The following MYL11 variants were observed in gnomAD, a reference collection of about 807,000 sequenced individuals.
The protein encoded by MYL11 is myosin regulatory light chain 11.
At chr16:30,371,669 A>G in the MYL11 span, among the ~76,000 whole-genome samples, 1 of 152,032 alleles carries the variant, frequency 6.6e-6, no homozygotes, top group Non-Finnish European at 1.5e-5. Context: ...CTCAAACCCC[A>G]AATCCATGAA....
the MYL11 span, chr16:30,377,503 G>C: frequency 1.4e-6 from 1 of 709,868 alleles, no homozygotes. Flanking sequence ...TGGGCGGAGA[G>C]GGCAAAAGCG....
the MYL11 span, among the ~76,000 whole-genome samples, chr16:30,375,334 G>A: frequency 6.6e-6 from 1 of 152,038 alleles, no homozygotes; most frequent in South Asian, 2.1e-4. Flanking sequence ...GCGTGGTGGT[G>A]CATGCCTGTA....
chr16:30,374,264 C>T, the MYL11 span, among the ~76,000 whole-genome samples: 2 of 151,054 alleles, frequency 1.3e-5, no homozygotes, highest in East Asian at 1.9e-4. Flanking sequence ...TGCAGTGAAC[C>T]GAGATCACAC....
At chr16:30,374,735 G>T in the MYL11 span, 52 of 1,323,216 alleles carry the variant, frequency 3.9e-5, 1 homozygote, top group South Asian at 6.2e-4. Flanking sequence ...CAGGGCTAAG[G>T]TTACCTTGGT....
At chr16:30,376,160 G>A in the MYL11 span, 12 of 1,613,818 alleles carry the variant, frequency 7.4e-6, no homozygotes, top group Non-Finnish European at 1.0e-5. Flanking sequence ...CACTGTGATC[G>A]ACCAGAACCG....
the MYL11 span, chr16:30,376,677 A>G: frequency 1.2e-6 from 2 of 1,614,070 alleles, no homozygotes; most frequent in South Asian, 2.2e-5. Context: ...CCTGAGGGAA[A>G]GGGCACCATC....
At chr16:30,375,414 G>A in the MYL11 span, among the ~76,000 whole-genome samples, 1 of 149,710 alleles carries the variant, frequency 6.7e-6, no homozygotes, top group Non-Finnish European at 1.5e-5. Flanking sequence ...GCGGTAAGCC[G>A]AGATCGCAGC....
At chr16:30,375,271 G>A in the MYL11 span, among the ~76,000 whole-genome samples, 1 of 152,142 alleles carries the variant, frequency 6.6e-6, no homozygotes, top group Non-Finnish European at 1.5e-5. Flanking sequence ...TTCGAGACCA[G>A]CCTGGCCAAC....
the MYL11 span, among the ~76,000 whole-genome samples, chr16:30,373,656 G>A: frequency 6.6e-6 from 1 of 151,356 alleles, no homozygotes; most frequent in African/African-American, 2.4e-5. Context: ...CAGCTACTCA[G>A]GAGGCTGAGG....
At chr16:30,377,726 C>T in the MYL11 span, 1 of 1,560,024 alleles carries the variant, frequency 6.4e-7, no homozygotes, top group South Asian at 1.2e-5. Context: ...GGGGCGGGGC[C>T]GGAGCAGCAA....
chr16:30,377,540 T>G, the MYL11 span: 1 of 1,139,600 alleles, frequency 8.8e-7, no homozygotes, highest in East Asian at 2.7e-5. Context: ...ATGAAGGAAG[T>G]AGAGTGACCT....
the MYL11 span, chr16:30,376,308 C>A: frequency 6.4e-7 from 1 of 1,556,040 alleles, no homozygotes; most frequent in Non-Finnish European, 8.8e-7. Flanking sequence ...GTCAGCTCCA[C>A]CTTGGGCCTC....
At chr16:30,377,475 G>A in the MYL11 span, 1 of 534,854 alleles carries the variant, frequency 1.9e-6, no homozygotes. Context: ...CGGTAAGATT[G>A]CATTTTCACA....
chr16:30,374,679 G>T, the MYL11 span: 1 of 635,178 alleles, frequency 1.6e-6, no homozygotes, highest in Non-Finnish European at 2.5e-6. Flanking sequence ...TCCAAGAAAG[G>T]AGAGGCCCTG....
At chr16:30,371,978 G>T in the MYL11 span, among the ~76,000 whole-genome samples, 5 of 152,088 alleles carry the variant, frequency 3.3e-5, no homozygotes, top group African/African-American at 1.2e-4. Context: ...CCTAGCTCCC[G>T]ACTTCTCAGC....
At chr16:30,374,190 C>G in the MYL11 span, among the ~76,000 whole-genome samples, 1 of 151,938 alleles carries the variant, frequency 6.6e-6, no homozygotes, top group East Asian at 1.9e-4. Context: ...TCGTGGCACA[C>G]CTATAATCCC....
the MYL11 span, chr16:30,377,453 T>G: frequency 2.0e-6 from 1 of 489,864 alleles, no homozygotes; most frequent in Non-Finnish European, 3.5e-6. Context: ...TAGTTAAGAT[T>G]GTGGTAATGG....
At chr16:30,371,098 G>C in the MYL11 span, 1 of 152,264 alleles carries the variant, frequency 6.6e-6, no homozygotes, top group Non-Finnish European at 1.5e-5. Context: ...TTTGGCCACA[G>C]GACAGGAAAA....
At chr16:30,376,574 A>T in the MYL11 span, 1 of 1,613,598 alleles carries the variant, frequency 6.2e-7, no homozygotes, top group Non-Finnish European at 8.5e-7. Flanking sequence ...CTTTTCCCAG[A>T]CCCTTCAGGG....
Sources: allele counts gnomAD v4.1 joint callset (sites outside exome capture counted in the v4.1 genomes callset), GRCh38; gene constraint gnomAD v4.1.1; transcripts MANE v1.5; gene names NCBI Gene and HGNC (gene_info 2026-07-23, HGNC 2026-07-21).